Variants in SUPT3H observed in about 807,000 individuals in gnomAD.
SUPT3H encodes transcription initiation protein SPT3 homolog.
Under a neutral mutation model 44.3 loss-of-function variants are expected in SUPT3H, and 44 were observed. That is an observed-to-expected ratio of 0.99 (90% confidence interval 0.78 to 1.28). SUPT3H has a LOEUF of 1.28. Ranked by LOEUF, SUPT3H falls within the 50% of genes most tolerant of loss-of-function variation. The pLI is 0.00. For synonymous variants in SUPT3H, 124 were observed against 125.6 expected (o/e 0.99, Z 0.09); for missense variants, 380 against 387.1 (o/e 0.98, Z 0.15).
At chr6:45,206,594 A>T (rs1161484642) in intron 2 of SUPT3H, among the ~76,000 whole-genome samples, 1 of 152,166 alleles carries the variant, frequency 6.6e-6, no homozygotes, top group Non-Finnish European at 1.5e-5. Flanking sequence ...ATATCACAGG[A>T]AGAATAAAAC....
At chr6:44,964,941 A>G (rs779203712) in intron 6 of SUPT3H, among the ~76,000 whole-genome samples, 2 of 152,226 alleles carry the variant, frequency 1.3e-5, no homozygotes, top group Admixed American at 6.5e-5. Flanking sequence ...CTAAGTTAGA[A>G]TTCAAGCTCA....
chr6:44,934,695 G>C (rs1771137289), intron 9 of SUPT3H, among the ~76,000 whole-genome samples: 1 of 152,190 alleles, frequency 6.6e-6, no homozygotes, highest in South Asian at 2.1e-4. Context: ...TGTGAGGTTT[G>C]GGTGAACAGA....
chr6:45,099,428 C>A (rs1367921849), intron 3 of SUPT3H, among the ~76,000 whole-genome samples: 1 of 151,760 alleles, frequency 6.6e-6, no homozygotes, highest in Non-Finnish European at 1.5e-5. Flanking sequence ...TTTATAACCT[C>A]TATTCCAATG....
At chr6:45,231,324 CTT>C (rs1184402921) in intron 2 of SUPT3H, among the ~76,000 whole-genome samples, 3 of 152,150 alleles carry the variant, frequency 2.0e-5, no homozygotes, top group African/African-American at 4.8e-5. Context: ...CTGGAAAAGA[CTT>C]TATTTATCCT....
chr6:45,294,677 C>A (rs1780838007), intron 2 of SUPT3H, among the ~76,000 whole-genome samples: 1 of 132,582 alleles, frequency 7.5e-6, no homozygotes, highest in Non-Finnish European at 1.6e-5. Context: ...CTTCTGTACA[C>A]CAACAGTGAC....
chr6:44,939,233 G>A (rs1419343200), intron 9 of SUPT3H, among the ~76,000 whole-genome samples: 2 of 151,998 alleles, frequency 1.3e-5, no homozygotes, highest in Non-Finnish European at 2.9e-5. Flanking sequence ...CTACTGTGAG[G>A]TATATTCCTT....
At chr6:45,203,774 G>A (rs532687701) in intron 2 of SUPT3H, among the ~76,000 whole-genome samples, 63 of 152,146 alleles carry the variant, frequency 4.1e-4, no homozygotes, top group Middle Eastern at 3.4e-3. Context: ...CAACCTATTT[G>A]TGCACTTTCT....
chr6:45,214,823 T>C (rs991924173), intron 2 of SUPT3H, among the ~76,000 whole-genome samples: 24 of 152,136 alleles, frequency 1.6e-4, no homozygotes, highest in East Asian at 5.8e-4. Context: ...CACTCCAAAA[T>C]AGGTAACAGA....
Position 45,083,947 on chromosome 6 carries a change from A to G in SUPT3H, c.186+21975T>C, listed in dbSNP as rs191454020. The stretch of plus-strand genomic sequence containing the variant: ...GCCAGTTATCCCAGCACCATGCAGA[A>G]GAATGAAACTGGACTCCTACCTTTC... On this transcript the variant is annotated intron_variant, in intron 3 of 10. Coordinates refer to ENST00000371459, the MANE Select transcript of SUPT3H (RefSeq NM_003599.4). 5.6e-4 allele frequency among the ~76,000 whole-genome samples: 86 copies of G among 152,358 alleles called. 1 individual carries two copies. Among genetic ancestry groups the G allele is most frequent in the South Asian group, 1.9e-3 (9 of 4,824 alleles).
intron 4 of SUPT3H, among the ~76,000 whole-genome samples, chr6:45,018,466 T>C (rs1023536033): frequency 2.0e-5 from 3 of 152,072 alleles, no homozygotes; most frequent in African/African-American, 7.2e-5. Context: ...CCATTCAGTA[T>C]GATATTGGCT....
intron 8 of SUPT3H, among the ~76,000 whole-genome samples, chr6:44,953,928 T>C (rs1278404562): frequency 1.3e-5 from 2 of 151,934 alleles, no homozygotes; most frequent in Non-Finnish European, 2.9e-5. Context: ...AGTAGAGATG[T>C]GGTTTCACCA....
At chr6:45,282,543 T>A (rs1424659360) in intron 2 of SUPT3H, among the ~76,000 whole-genome samples, 1 of 151,934 alleles carries the variant, frequency 6.6e-6, no homozygotes, top group Non-Finnish European at 1.5e-5. Flanking sequence ...AAAAAAAGAA[T>A]AAAAAGAAAC....
intron 3 of SUPT3H, among the ~76,000 whole-genome samples, chr6:45,039,718 T>C (rs967140647): frequency 2.0e-5 from 3 of 151,528 alleles, no homozygotes; most frequent in African/African-American, 4.9e-5. Context: ...AGGTGGAGGT[T>C]CCACTGCAGT....
intron 3 of SUPT3H, among the ~76,000 whole-genome samples, chr6:45,084,932 T>C (rs1002412638): frequency 1.3e-5 from 2 of 151,814 alleles, no homozygotes; most frequent in Non-Finnish European, 2.9e-5. Flanking sequence ...GATGTAAAGA[T>C]GGGAACAACA....
In SUPT3H at chr6:45,105,000, C is replaced by T. The variant is rs115249860; in HGVS notation, c.186+922G>A. On this transcript the variant is annotated intron_variant, in intron 3 of 10. Coordinates refer to ENST00000371459, the MANE Select transcript of SUPT3H (RefSeq NM_003599.4). The stretch of plus-strand genomic sequence containing the variant: ...CAAGAAAAACTACAAGGAAGTTTAG[C>T]CCTAATAATCATTAAAATATACTAT... 1.2e-3 allele frequency among the ~76,000 whole-genome samples: 180 copies of T among 151,854 alleles called. 1 individual carries two copies. The highest frequency in any genetic ancestry group is 4.1e-3 in the African/African-American group (170 of 41,468).
At chr6:45,371,858 A>C (rs1416509088) in intron 1 of SUPT3H, 1 of 982,580 alleles carries the variant, frequency 1.0e-6, no homozygotes, top group Non-Finnish European at 1.2e-6. Context: ...TTTGAAAATC[A>C]CTAATTTCCT....
chr6:45,267,734 T>C (rs1775486638), intron 2 of SUPT3H, among the ~76,000 whole-genome samples: 1 of 152,116 alleles, frequency 6.6e-6, no homozygotes, highest in South Asian at 2.1e-4. Context: ...AGTGACAAAA[T>C]GTGCCAGTTA....
At chr6:45,208,155 T>C (rs917790786) in intron 2 of SUPT3H, among the ~76,000 whole-genome samples, 1 of 152,168 alleles carries the variant, frequency 6.6e-6, no homozygotes, top group Non-Finnish European at 1.5e-5. Context: ...AAAGTTTTAG[T>C]GGTCTGGGTA....
At chr6:45,124,476 C>T (rs1021545643) in intron 2 of SUPT3H, among the ~76,000 whole-genome samples, 1 of 151,614 alleles carries the variant, frequency 6.6e-6, no homozygotes, top group Non-Finnish European at 1.5e-5. Flanking sequence ...AAACCCCCCC[C>T]TCTACTAAAA....
Sources: gnomAD v4.1 joint callset for allele counts (sites outside exome capture counted in the v4.1 genomes callset) on GRCh38, gnomAD v4.1.1 for gene constraint, MANE v1.5 for transcripts, NCBI Gene and HGNC (gene_info 2026-07-23, HGNC 2026-07-21) for gene names.